The following HES7 variants were observed in gnomAD, a reference collection of about 807,000 sequenced individuals.
The protein encoded by HES7 is transcription factor HES-7.
In HES7, 8 loss-of-function variants were observed where a neutral mutation model predicts 18.0. The observed-to-expected ratio is 0.45, with a 90% CI of 0.26 to 0.80. The LOEUF (loss-of-function observed/expected upper bound fraction) is 0.80. HES7 is among the 30% of genes least tolerant of loss of function. HES7 has a pLI of 0.18. For missense variants in HES7, 356 were observed against 340.9 expected (o/e 1.04, Z -0.35); for synonymous variants, 170 against 158.6 (o/e 1.07, Z -0.54).
chr17:8,123,227 C>T lies in HES7; in HGVS notation c.43-101G>A. 5 of 896,116 alleles carry T rather than the reference C, an allele frequency of 5.6e-6. No homozygotes were observed. Among genetic ancestry groups the T allele is most frequent in the South Asian group, 4.2e-5 (3 of 70,758 alleles). The allele number at this position is 896,116 out of a possible 1,614,324, so 55.5% of individuals were successfully genotyped here. On this transcript the variant is annotated intron_variant, in intron 1 of 3. Coordinates refer to ENST00000541682, the MANE Select transcript of HES7 (RefSeq NM_001165967.2). This position sits in a 1 kb window ranked among gnomAD's most constrained non-coding sequence, Gnocchi z 5.9. ...CGCTGGGAGAGCCCGGCTTCCACCCCGGCCACAAGACCCCAGATTGCCTAG... is the reference window on the plus strand; with the variant it reads ...CGCTGGGAGAGCCCGGCTTCCACCCTGGCCACAAGACCCCAGATTGCCTAG...
In HES7 at chr17:8,121,539, C is replaced by G. The variant is rs1981319302; in HGVS notation, c.*32G>C. 1 of 1,296,172 alleles carries G rather than the reference C, an allele frequency of 7.7e-7. No homozygotes were observed. Among genetic ancestry groups the G allele is most frequent in the Non-Finnish European group, 9.7e-7 (1 of 1,028,146 alleles). The allele number at this position is 1,296,172 out of a possible 1,614,324, so 80.3% of individuals were successfully genotyped here. A position where few individuals can be genotyped will look rare whatever the true frequency, so the allele number is the denominator to read the frequency against. On this transcript the variant is annotated 3_prime_UTR_variant, in exon 4 of 4. Coordinates refer to ENST00000541682, the MANE Select transcript of HES7 (RefSeq NM_001165967.2). ...CCTCGGGCTGGAGTCTCTACCCCAC[C>G]CCTAGACCCCGCCCCCACCACCCCC...
chr17:8,121,697 G>C lies in HES7; in HGVS notation c.567C>G (p.Ala189=), dbSNP rs929981617. 1 of 1,329,344 alleles carries C rather than the reference G, an allele frequency of 7.5e-7. No homozygotes were observed. Among genetic ancestry groups the C allele is most frequent in the Non-Finnish European group, 9.6e-7 (1 of 1,046,230 alleles). 82.3% of individuals were successfully genotyped at this position (1,329,344 alleles called of 1,614,324 possible). ...GGGGCGCCGGCGCGCCAGAATCCCC[G>C]GCGCGCGGGGAGCAGAGGGATGGGG... is the stretch of plus-strand genomic sequence containing the variant. ...AWSPSLCSPR[A]GDSGAPAPLT... Residue 189 remains alanine, a synonymous_variant, in exon 4 of 4, where the codon GCC becomes GCG. Coordinates refer to ENST00000541682, the MANE Select transcript of HES7 (RefSeq NM_001165967.2).
rs547873270 is a variant in HES7 at position 8,122,281 on chromosome 17, C to T, written c.226+62G>A. The stretch of plus-strand genomic sequence containing the variant: ...CCACCGCAGGGCCCGCCCACTCTGC[C>T]CCGGCCGGAGCCTCCTGGCGTCCCC... On this transcript the variant is annotated intron_variant, in intron 3 of 3. Coordinates refer to ENST00000541682, the MANE Select transcript of HES7 (RefSeq NM_001165967.2). This position sits in a 1 kb window ranked among gnomAD's most constrained non-coding sequence, Gnocchi z 6.9. The T allele has an allele frequency of 2.5e-4, 349 of 1,420,536 alleles. 1 individual carries two copies. The African/African-American group carries it at 4.6e-3, about 19-fold the overall frequency. 88.0% of individuals were successfully genotyped at this position (1,420,536 alleles called of 1,614,324 possible). A position where few individuals can be genotyped will look rare whatever the true frequency, so the allele number is the denominator to read the frequency against.
In HES7 at chr17:8,121,402, A is replaced by C. The variant is rs1981308323; in HGVS notation, c.*169T>G. ...AAAGGGACAGGAACCAGGGAAATAT[A>C]TATTTATATAGATACTCTAATATAG... On this transcript the variant is annotated 3_prime_UTR_variant, in exon 4 of 4. Coordinates refer to ENST00000541682, the MANE Select transcript of HES7 (RefSeq NM_001165967.2). The C allele has an allele frequency of 4.6e-6, 2 of 430,162 alleles. No homozygotes were observed. The highest frequency in any genetic ancestry group is 7.1e-5 in the East Asian group (2 of 28,138). The allele number at this position is 430,162 out of a possible 1,614,324, so 26.6% of individuals were successfully genotyped here.
Position 8,121,887 on chromosome 17 carries a change from G to T in HES7, c.377C>A (p.Ala126Glu). The change falls in exon 4 of 4, where the codon GCG becomes GAG. Residue 126 changes from alanine (A) to glutamate (E), a missense_variant. By Grantham distance (107) the Ala-to-Glu change is moderately radical. Transcript: ENST00000541682. ...TTTGGGGCGCAGATAGCCGTGCAGC[G>T]CGGAGAAGAGCTGGGCGCGGGCGGC... Reference protein sequence around the residue: ...SPAARAQLFSALHGYLRPKPP... With the variant: ...SPAARAQLFSELHGYLRPKPP... 6.4e-7 allele frequency: 1 copy of T among 1,571,554 alleles called. No homozygotes were observed. The highest frequency in any genetic ancestry group is 1.4e-5 in the African/African-American group (1 of 71,304).
Position 8,121,895 on chromosome 17 carries a change from G to A in HES7, c.369C>T (p.Leu123=). 6.4e-7 allele frequency: 1 copy of A among 1,570,624 alleles called. No homozygotes were observed. The highest frequency in any genetic ancestry group is 8.6e-7 in the Non-Finnish European group (1 of 1,168,720). Residue 123 remains leucine, a synonymous_variant, in exon 4 of 4, where the codon CTC becomes CTT. Coordinates refer to ENST00000541682, the MANE Select transcript of HES7 (RefSeq NM_001165967.2). ...HDASPAARAQ[L]FSALHGYLRP... The stretch of plus-strand genomic sequence containing the variant: ...GCAGATAGCCGTGCAGCGCGGAGAA[G>A]AGCTGGGCGCGGGCGGCCGGGCTGG...
chr17:8,122,503 G>A lies in HES7; in HGVS notation c.139-73C>T, dbSNP rs1199601997. ...AGGGGGAAAGTGGCAGGGGGAAGAA[G>A]GGAGGGACGGATGCGGGAGCTGGTG... On this transcript the variant is annotated intron_variant, in intron 2 of 3. Transcript: ENST00000541682. This position sits in a 1 kb window ranked among gnomAD's most constrained non-coding sequence, Gnocchi z 6.9. The A allele has an allele frequency of 6.6e-6, 7 of 1,062,546 alleles. No individual in the cohort carries two copies. The highest frequency in any genetic ancestry group is 1.4e-5 in the South Asian group (1 of 72,882). 65.8% of individuals were successfully genotyped at this position (1,062,546 alleles called of 1,614,324 possible). A position where few individuals can be genotyped will look rare whatever the true frequency, so the allele number is the denominator to read the frequency against.
upstream of HES7, among the ~76,000 whole-genome samples, chr17:8,125,701 C>T (rs975967881): frequency 1.3e-5 from 2 of 152,168 alleles, no homozygotes; most frequent in Non-Finnish European, 2.9e-5. Context: ...TCCGCCTCAA[C>T]CTCTTACAAT....
upstream of HES7, among the ~76,000 whole-genome samples, chr17:8,124,740 A>C (rs1474895076): frequency 6.6e-6 from 1 of 152,212 alleles, no homozygotes; most frequent in Admixed American, 6.5e-5. Context: ...TCCCTGCAGG[A>C]TCTAATGGAA....
chr17:8,122,308 C>T lies in HES7; in HGVS notation c.226+35G>A. ...CGGCCGGAGCCTCCTGGCGTCCCCCCTCCCTCCCTCCGCTGCCCCACCCCC... is the reference window on the plus strand; with the variant it reads ...CGGCCGGAGCCTCCTGGCGTCCCCCTTCCCTCCCTCCGCTGCCCCACCCCC... On this transcript the variant is annotated intron_variant, in intron 3 of 3. Coordinates refer to ENST00000541682, the MANE Select transcript of HES7 (RefSeq NM_001165967.2). This position sits in a 1 kb window ranked among gnomAD's most constrained non-coding sequence, Gnocchi z 6.9. 6.9e-7 allele frequency: 1 copy of T among 1,449,304 alleles called. No individual in the cohort carries two copies. The allele number at this position is 1,449,304 out of a possible 1,614,324, so 89.8% of individuals were successfully genotyped here.
upstream of HES7, among the ~76,000 whole-genome samples, chr17:8,124,860 A>G (rs1981535242): frequency 6.6e-6 from 1 of 152,190 alleles, no homozygotes; most frequent in South Asian, 2.1e-4. Flanking sequence ...AGGCAGAGGG[A>G]GCAAGTCTTT....
chr17:8,121,923 T>G lies in HES7; in HGVS notation c.341A>C (p.Asp114Ala). The change falls in exon 4 of 4, where the codon GAC becomes GCC. Residue 114 changes from aspartate (D) to alanine (A), a missense_variant. Physicochemically the swap from Asp to Ala is moderately radical, Grantham distance 126. Transcript: ENST00000541682. ...CLLRLAAFAH[D>A]ASPAARAQLF... The stretch of plus-strand genomic sequence containing the variant: ...CTGGGCGCGGGCGGCCGGGCTGGCG[T>G]CGTGCGCGAAGGCCGCCAAGCGAAG... 2 of 1,564,544 alleles carry G rather than the reference T, an allele frequency of 1.3e-6. No homozygotes were observed. Among genetic ancestry groups the G allele is most frequent in the Middle Eastern group, 1.8e-4 (1 of 5,590 alleles).
chr17:8,125,018 G>GTA (rs1981540520), upstream of HES7, among the ~76,000 whole-genome samples: 1 of 152,138 alleles, frequency 6.6e-6, no homozygotes, highest in African/African-American at 2.4e-5. Context: ...CCTGGTGACT[G>GTA]TAGGGTAGCA....
chr17:8,123,913 C>A lies in HES7; in HGVS notation c.42+130G>T. ...TTGCAGCTTCCTCTCCAGCTTCTGG[C>A]TCCTGGAGTTCTGGAGCACCGCTCC... On this transcript the variant is annotated intron_variant, in intron 1 of 3. Transcript: ENST00000541682. This position sits in a 1 kb window ranked among gnomAD's most constrained non-coding sequence, Gnocchi z 5.9. The A allele has an allele frequency of 9.8e-7, 1 of 1,016,394 alleles. No homozygotes were observed. The highest frequency in any genetic ancestry group is 2.6e-5 in the East Asian group (1 of 39,032). 63.0% of individuals were successfully genotyped at this position (1,016,394 alleles called of 1,614,324 possible). A position where few individuals can be genotyped will look rare whatever the true frequency, so the allele number is the denominator to read the frequency against.
chr17:8,124,170 G>A, upstream of HES7: 1 of 1,525,870 alleles, frequency 6.6e-7, no homozygotes, highest in Non-Finnish European at 9.0e-7. Flanking sequence ...GATAGGACCC[G>A]ACCCCGCCCC....
rs1261869195 is a variant in HES7, at chr17:8,121,856, G to C, written c.408C>G (p.Pro136=). The C allele has an allele frequency of 6.4e-7, 1 of 1,572,762 alleles. No homozygotes were observed. Among genetic ancestry groups the C allele is most frequent in the Middle Eastern group, 1.9e-4 (1 of 5,136 alleles). The change falls in exon 4 of 4, where the codon CCC becomes CCG. Residue 136 remains proline (P), a synonymous_variant. Coordinates refer to ENST00000541682, the MANE Select transcript of HES7 (RefSeq NM_001165967.2). ...ALHGYLRPKP[P]RPKPVDPRPP... ...GCCTCGGATCTACCGGCTTGGGCCG[G>C]GGCGGTTTGGGGCGCAGATAGCCGT...
At chr17:8,124,829 C>T (rs1981534388), upstream of HES7, among the ~76,000 whole-genome samples, 1 of 152,202 alleles carries the variant, frequency 6.6e-6, no homozygotes, top group Non-Finnish European at 1.5e-5. Context: ...TTAAGGATGG[C>T]TGGACTGAGG....
chr17:8,122,091 A>T lies in HES7; in HGVS notation c.227-54T>A. 1.4e-6 allele frequency: 2 copies of T among 1,416,632 alleles called. No individual in the cohort carries two copies. Among genetic ancestry groups the T allele is most frequent in the South Asian group, 2.8e-5 (2 of 71,472 alleles). The allele number at this position is 1,416,632 out of a possible 1,614,324, so 87.8% of individuals were successfully genotyped here. A position where few individuals can be genotyped will look rare whatever the true frequency, so the allele number is the denominator to read the frequency against. ...GCAGGGCAGGGGCCCGGCAGGGGTG[A>T]GGGAAGGGGCGGGGCGCAGAGATAC... On this transcript the variant is annotated intron_variant, in intron 3 of 3. Coordinates refer to ENST00000541682, the MANE Select transcript of HES7 (RefSeq NM_001165967.2). This position sits in a 1 kb window ranked among gnomAD's most constrained non-coding sequence, Gnocchi z 6.9.
At position 8,122,088 on chromosome 17, in the gene HES7, G is replaced by A; in HGVS notation, c.227-51C>T. ...TGGGCAGGGCAGGGGCCCGGCAGGGGTGAGGGAAGGGGCGGGGCGCAGAGA... is the reference window on the plus strand; with the variant it reads ...TGGGCAGGGCAGGGGCCCGGCAGGGATGAGGGAAGGGGCGGGGCGCAGAGA... On this transcript the variant is annotated intron_variant, in intron 3 of 3. Coordinates refer to ENST00000541682, the MANE Select transcript of HES7 (RefSeq NM_001165967.2). This position sits in a 1 kb window ranked among gnomAD's most constrained non-coding sequence, Gnocchi z 6.9. 7.0e-7 allele frequency: 1 copy of A among 1,426,980 alleles called. No homozygotes were observed. Among genetic ancestry groups the A allele is most frequent in the East Asian group, 2.6e-5 (1 of 38,618 alleles). 88.4% of individuals were successfully genotyped at this position (1,426,980 alleles called of 1,614,324 possible).
Sources: gnomAD v4.1 joint callset for allele counts (sites outside exome capture counted in the v4.1 genomes callset) on GRCh38, gnomAD v4.1.1 for gene constraint, Gnocchi (gnomAD v3.1) non-coding constraint, MANE v1.5 for transcripts, NCBI Gene and HGNC (gene_info 2026-07-23, HGNC 2026-07-21) for gene names.